Variants in ABCA13 observed in about 807,000 individuals in gnomAD.
ABCA13 encodes ATP-binding cassette sub-family A member 13.
In ABCA13, 476 loss-of-function variants were observed where a neutral mutation model predicts 478.7. That is an observed-to-expected ratio of 0.99 (90% CI 0.92 to 1.07). ABCA13 has a LOEUF of 1.07. ABCA13 is among the 50% of genes least tolerant of loss of function. The pLI is 0.00. For missense variants in ABCA13, 6,060 were observed against 5,910.6 expected (o/e 1.03, Z -0.83); for synonymous variants, 2,252 against 2,158.9 (o/e 1.04, Z -1.20).
chr7:48,522,222 G>C (rs915318410), intron 53 of ABCA13, among the ~76,000 whole-genome samples: 1 of 152,164 alleles, frequency 6.6e-6, no homozygotes, highest in Non-Finnish European at 1.5e-5. Flanking sequence ...GATAGATCCT[G>C]CCTTCCCAGC....
intron 55 of ABCA13, among the ~76,000 whole-genome samples, chr7:48,528,929 C>A (rs992171881): frequency 6.6e-6 from 1 of 152,178 alleles, no homozygotes; most frequent in South Asian, 2.1e-4. Context: ...GGCCAGATGA[C>A]CCCTGCAGGC....
At chr7:48,311,724 C>T in intron 24 of ABCA13, among the ~76,000 whole-genome samples, 1 of 152,114 alleles carries the variant, frequency 6.6e-6, no homozygotes. Context: ...ATATGAAGGG[C>T]TCTATGAAAG....
chr7:48,403,330 A>G (rs1473570193), intron 38 of ABCA13, among the ~76,000 whole-genome samples: 1 of 152,188 alleles, frequency 6.6e-6, no homozygotes, highest in Non-Finnish European at 1.5e-5. Context: ...CAGCCATTCC[A>G]CCATACTCCA....
chr7:48,396,360 C>CT lies in ABCA13; in HGVS notation c.11873+4229dup, dbSNP rs963869328. On this transcript the variant is annotated intron_variant, in intron 38 of 61. Coordinates refer to ENST00000435803, the MANE Select transcript of ABCA13 (RefSeq NM_152701.5). The stretch of plus-strand genomic sequence containing the variant: ...AGGAGGACTTTCATTTGTTTAACAT[C>CT]TTTTTTTTGTGCCAGCCGCTATGGT... Among the ~76,000 whole-genome samples, 61 of 152,192 alleles carry CT rather than the reference C, an allele frequency of 4.0e-4. 1 individual carries two copies. The highest frequency in any genetic ancestry group is 3.4e-3 in the Middle Eastern group (1 of 294).
chr7:48,472,871 G>A (rs865910340), intron 45 of ABCA13, among the ~76,000 whole-genome samples: 10 of 152,204 alleles, frequency 6.6e-5, no homozygotes, highest in Non-Finnish European at 1.5e-4. Context: ...CATTAGGGGC[G>A]GAACCCTTTT....
intron 30 of ABCA13, 100 bp downstream of exon 30, chr7:48,350,919 A>G: frequency 8.3e-7 from 1 of 1,208,190 alleles, no homozygotes; most frequent in Non-Finnish European, 1.1e-6. Flanking sequence ...TAGCTCAGAA[A>G]GAAAAGAAGT....
chr7:48,579,585 A>G (rs947368372), intron 55 of ABCA13, among the ~76,000 whole-genome samples: 2 of 152,152 alleles, frequency 1.3e-5, no homozygotes, highest in Non-Finnish European at 2.9e-5. Flanking sequence ...AACTAAATAT[A>G]GTCTTCCCAC....
Position 48,365,253 on chromosome 7 carries a change from A to T in ABCA13, c.10689-2541A>T, listed in dbSNP as rs1030789114. ...AGTCAGATCTTTTGCCTATGTTTTA[A>T]TTGGATTATGTGGGTTTCTTGCTAT... On this transcript the variant is annotated intron_variant, in intron 31 of 61. Coordinates refer to ENST00000435803, the MANE Select transcript of ABCA13 (RefSeq NM_152701.5). 5.3e-5 allele frequency among the ~76,000 whole-genome samples: 8 copies of T among 151,960 alleles called. No homozygotes were observed. The East Asian group carries it at 1.3e-3, about 26-fold the overall frequency.
intron 45 of ABCA13, among the ~76,000 whole-genome samples, chr7:48,472,129 C>T (rs1827566575): frequency 6.6e-6 from 1 of 152,206 alleles, no homozygotes; most frequent in African/African-American, 2.4e-5. Context: ...CTGATTGGAA[C>T]TCATCTCAAA....
Position 48,386,716 on chromosome 7 carries a change from G to A in ABCA13, c.11336-1106G>A, listed in dbSNP as rs186991603. Among the ~76,000 whole-genome samples, 5 of 152,150 alleles carry A rather than the reference G, an allele frequency of 3.3e-5. No individual in the cohort carries two copies. In the East Asian group the frequency reaches 9.6e-4, roughly 29 times the overall value. On this transcript the variant is annotated intron_variant, in intron 35 of 61. Coordinates refer to ENST00000435803, the MANE Select transcript of ABCA13 (RefSeq NM_152701.5). ...ATTGAAACTGAACCCCTTCCTTATT[G>A]CCATATACAAAAATTAATTCAAGAT...
intron 55 of ABCA13, among the ~76,000 whole-genome samples, chr7:48,554,029 T>C (rs1369050188): frequency 3.9e-5 from 6 of 152,084 alleles, no homozygotes; most frequent in Non-Finnish European, 5.9e-5. Flanking sequence ...GGGTCTAGTT[T>C]CATTCCTCTG....
At chr7:48,386,459 A>C (rs1815205066) in intron 35 of ABCA13, among the ~76,000 whole-genome samples, 1 of 152,238 alleles carries the variant, frequency 6.6e-6, no homozygotes, top group Non-Finnish European at 1.5e-5. Context: ...ACAAAGCTGG[A>C]GACATCACAT....
At chr7:48,186,131 T>G (rs36151432) in intron 1 of ABCA13, among the ~76,000 whole-genome samples, 58,241 of 151,846 alleles carry the variant, frequency 0.38, 12,839 homozygotes, top group Non-Finnish European at 0.5. Flanking sequence ...GCATATAGCA[T>G]TTTCTTTTTG....
At chr7:48,506,730 G>C (rs182029942) in intron 49 of ABCA13, among the ~76,000 whole-genome samples, 1 of 152,258 alleles carries the variant, frequency 6.6e-6, no homozygotes, top group African/African-American at 2.4e-5. Flanking sequence ...TTGCATTCAT[G>C]TACATAAACA....
intron 41 of ABCA13, among the ~76,000 whole-genome samples, chr7:48,423,060 G>A (rs567882436): frequency 9.9e-4 from 151 of 152,298 alleles, no homozygotes; most frequent in Non-Finnish European, 2.0e-3. Context: ...CCACATTTGT[G>A]GTAATTTGTT....
intron 27 of ABCA13, among the ~76,000 whole-genome samples, chr7:48,329,731 A>T (rs1804920795): frequency 6.6e-6 from 1 of 151,980 alleles, no homozygotes; most frequent in Non-Finnish European, 1.5e-5. Flanking sequence ...CCATCCATTC[A>T]TCCATCCATC....
At chr7:48,540,227 C>T (rs1317005562) in intron 55 of ABCA13, among the ~76,000 whole-genome samples, 1 of 151,942 alleles carries the variant, frequency 6.6e-6, no homozygotes, top group Admixed American at 6.6e-5. Flanking sequence ...TACATGTAGA[C>T]AAAAGAATTT....
intron 56 of ABCA13, among the ~76,000 whole-genome samples, chr7:48,585,155 A>G (rs1212970323): frequency 6.6e-6 from 1 of 152,028 alleles, no homozygotes; most frequent in African/African-American, 2.4e-5. Flanking sequence ...CATTTATAAG[A>G]CCCTTCCTTT....
intron 29 of ABCA13, among the ~76,000 whole-genome samples, chr7:48,340,268 G>A (rs138887391): frequency 0.023 from 3,519 of 151,952 alleles, 145 homozygotes; most frequent in African/African-American, 0.08. Flanking sequence ...CGCCATGCCC[G>A]GCTAATTTTT....
Sources: allele counts gnomAD v4.1 joint callset (sites outside exome capture counted in the v4.1 genomes callset), GRCh38; gene constraint gnomAD v4.1.1; transcripts MANE v1.5; gene names NCBI Gene and HGNC (gene_info 2026-07-23, HGNC 2026-07-21).